The following N4BP2 variants were observed in gnomAD, a reference collection of about 807,000 sequenced individuals.
N4BP2 encodes the protein NEDD4-binding protein 2.
Under a neutral mutation model 152.8 loss-of-function variants are expected in N4BP2, and 91 were observed. That is an observed-to-expected ratio of 0.60 (90% CI 0.50 to 0.71). N4BP2 has a LOEUF of 0.71. N4BP2 is among the 30% of genes least tolerant of loss of function. N4BP2 has a pLI of 0.00. For synonymous variants in N4BP2, 646 were observed against 705.3 expected (o/e 0.92, Z 1.33); for missense variants, 1,923 against 2,059.1 (o/e 0.93, Z 1.28).
intron 7 of N4BP2, among the ~76,000 whole-genome samples, chr4:40,115,864 C>T (rs187089184): frequency 6.6e-6 from 1 of 152,220 alleles, no homozygotes; most frequent in East Asian, 1.9e-4. Context: ...TATTGTTACT[C>T]ATATCTCCTG....
intron 8 of N4BP2, among the ~76,000 whole-genome samples, chr4:40,118,464 T>C (rs1477489532): frequency 2.6e-5 from 4 of 152,122 alleles, no homozygotes; most frequent in Non-Finnish European, 4.4e-5. Flanking sequence ...GGTGGACTTT[T>C]GTTATTTTTA....
In N4BP2 at chr4:40,098,092, T is replaced by G. The variant is rs1463768950; in HGVS notation, c.229+523T>G. Among the ~76,000 whole-genome samples, 3 of 152,198 alleles carry G rather than the reference T, an allele frequency of 2.0e-5. No individual in the cohort carries two copies. The East Asian group carries it at 5.8e-4, about 29-fold the overall frequency. ...AAAGACAGAGTTTTTAAAAACTTTG[T>G]TTTACTCCTGTATCTTCAGCCCGTA... On this transcript the variant is annotated intron_variant, in intron 3 of 17. Transcript: ENST00000261435.
intron 4 of N4BP2, among the ~76,000 whole-genome samples, chr4:40,104,986 T>G (rs1716113431): frequency 6.6e-6 from 1 of 151,962 alleles, no homozygotes; most frequent in African/African-American, 2.4e-5. Flanking sequence ...GTATTTTTAG[T>G]AGAGATGGGG....
chr4:40,098,354 C>CT (rs1258828962), intron 3 of N4BP2, among the ~76,000 whole-genome samples: 4 of 151,772 alleles, frequency 2.6e-5, no homozygotes, highest in Admixed American at 6.6e-5. Flanking sequence ...CTTCATAGGA[C>CT]TTTTTTTTGG....
At chr4:40,189,609 C>T in the N4BP2 span, among the ~76,000 whole-genome samples, 1 of 152,088 alleles carries the variant, frequency 6.6e-6, no homozygotes, top group Non-Finnish European at 1.5e-5. The surrounding 1 kb of genome is among the most constrained non-coding windows in gnomAD (Gnocchi z 4.3). Context: ...AACATTATGG[C>T]GAGGCGCGGT....
At chr4:40,128,728 A>G (rs1180897720) in intron 12 of N4BP2, among the ~76,000 whole-genome samples, 1 of 152,126 alleles carries the variant, frequency 6.6e-6, no homozygotes, top group Non-Finnish European at 1.5e-5. Context: ...GGGTTTCACC[A>G]TGTTGGCCAG....
At position 40,124,204 on chromosome 4, in the gene N4BP2, A is replaced by C; in HGVS notation, c.4329A>C (p.Gln1443His). ...AGGTGTCTTGTGGCAAGTTTATGCAAGGTAAAGCACATGTTTTTATTTCTA... is the reference window on the plus strand; with the variant it reads ...AGGTGTCTTGTGGCAAGTTTATGCACGGTAAAGCACATGTTTTTATTTCTA... ...QEEVSCGKFM[Q>H]DPSLVGHTGL... The change falls in exon 11 of 18, where the codon CAA becomes CAC. Residue 1443 changes from glutamine (Q) to histidine (H), a missense_variant and splice_region_variant. Transcript: ENST00000261435. 6.2e-7 allele frequency: 1 copy of C among 1,603,658 alleles called. No homozygotes were observed. Among genetic ancestry groups the C allele is most frequent in the Non-Finnish European group, 8.5e-7 (1 of 1,172,708 alleles).
chr4:40,106,761 C>T, intron 4 of N4BP2, 139 bp from the exon 5 acceptor site: 1 of 703,570 alleles, frequency 1.4e-6, no homozygotes. Context: ...GTTGGCCAGG[C>T]TGGCCTTGAA....
chr4:40,132,923 A>AT (rs33951887), intron 13 of N4BP2, among the ~76,000 whole-genome samples: 3,961 of 145,746 alleles, frequency 0.027, 78 homozygotes, highest in Non-Finnish European at 0.043. Context: ...TTGGTCTGTG[A>AT]TTTTTTTTTT....
rs200252706 is a variant in N4BP2, at chr4:40,103,085, A to G, written c.1240A>G (p.Lys414Glu). 282 of 1,614,136 alleles carry G rather than the reference A, an allele frequency of 1.7e-4. 2 individuals carry two copies. Among genetic ancestry groups the G allele is most frequent in the Admixed American group, 1.2e-4 (7 of 60,010 alleles). ...TTCCCCAACAAAAGTATGGAGAAAT[A>G]AAGATGGAACAAGTGCTTATCAAGT... ...HTSPTKVWRN[K>E]DGTSAYQVQE... Residue 414 changes from lysine to glutamate, a missense_variant, in exon 4 of 18, where the codon AAA (lysine) becomes GAA (glutamate). Lys to Glu is a moderately conservative substitution (Grantham distance 56, BLOSUM62 1). Transcript: ENST00000261435.
In N4BP2 at chr4:40,113,481, G is replaced by A. The variant is rs1163424687; in HGVS notation, c.1637G>A (p.Trp546Ter). ...KVLFREPDTW[W>*]KFKPKELARR... ...CTTTTTCGGGAACCAGACACATGGT[G>A]GAAGTTTAAACCAAAGGAACTTGCA... The change falls in exon 7 of 18, where the codon TGG (tryptophan) becomes TAG (stop). Residue 546 changes from tryptophan (W) to a stop codon, truncating the protein, a stop_gained. Transcript: ENST00000261435. LOFTEE classifies it high-confidence loss of function. The A allele has an allele frequency of 3.1e-6, 5 of 1,613,510 alleles. No individual in the cohort carries two copies. The highest frequency in any genetic ancestry group is 4.2e-6 in the Non-Finnish European group (5 of 1,179,618).
Position 40,117,865 on chromosome 4 carries a change from T to G in N4BP2, c.1665-4T>G. 1 of 1,591,128 alleles carries G rather than the reference T, an allele frequency of 6.3e-7. No homozygotes were observed. The highest frequency in any genetic ancestry group is 1.2e-5 in the South Asian group (1 of 86,790). On this transcript the variant is annotated splice_polypyrimidine_tract_variant and splice_region_variant and intron_variant, in intron 7 of 17. Coordinates refer to ENST00000261435, the MANE Select transcript of N4BP2 (RefSeq NM_018177.6). ...TCAACCCTTTTTTCCCCTGGAATTT[T>G]CAGGCGTAACATTCATGGGGTAAGC...
chr4:40,117,720 T>C, intron 7 of N4BP2, 149 bp from the exon 8 acceptor site: 1 of 485,688 alleles, frequency 2.1e-6, no homozygotes, highest in Non-Finnish European at 3.3e-6. Context: ...AAAATTAGAA[T>C]CAAATTGTAT....
the N4BP2 span, among the ~76,000 whole-genome samples, chr4:40,169,523 T>G: frequency 3.3e-5 from 5 of 151,426 alleles, no homozygotes; most frequent in African/African-American, 1.2e-4. Context: ...AAATAATCAT[T>G]GGATCAAATT....
At chr4:40,188,674 G>A in the N4BP2 span, among the ~76,000 whole-genome samples, 1 of 150,422 alleles carries the variant, frequency 6.6e-6, no homozygotes, top group East Asian at 2.0e-4. Context: ...GAGCCTGGGA[G>A]GCGCAGGTTG....
chr4:40,147,140 C>T (rs564750182), intron 16 of N4BP2, among the ~76,000 whole-genome samples: 95 of 150,242 alleles, frequency 6.3e-4, no homozygotes, highest in Non-Finnish European at 1.2e-3. Context: ...CTTCAAGCAT[C>T]TGTTTAACAA....
chr4:40,184,085 A>G, the N4BP2 span, among the ~76,000 whole-genome samples: 3 of 152,204 alleles, frequency 2.0e-5, no homozygotes, highest in South Asian at 6.2e-4. Context: ...TCAGTCTTAG[A>G]CATCATGATT....
chr4:40,075,882 A>C (rs921447801), intron 2 of N4BP2, among the ~76,000 whole-genome samples: 7 of 152,068 alleles, frequency 4.6e-5, no homozygotes, highest in African/African-American at 1.7e-4. Flanking sequence ...GCTGGAGTGC[A>C]GTGCTTTGAT....
the N4BP2 span, among the ~76,000 whole-genome samples, chr4:40,188,744 C>CAAAAA: frequency 1.1e-5 from 1 of 91,034 alleles, no homozygotes. Context: ...GACTCCATCT[C>CAAAAA]AAAAAAAAAA....
Sources: gnomAD v4.1 joint callset for allele counts (sites outside exome capture counted in the v4.1 genomes callset) on GRCh38, gnomAD v4.1.1 for gene constraint, Gnocchi (gnomAD v3.1) non-coding constraint, MANE v1.5 for transcripts, NCBI Gene and HGNC (gene_info 2026-07-23, HGNC 2026-07-21) for gene names.